Variants in ANO3 observed in about 807,000 individuals in gnomAD.
ANO3 encodes anoctamin 3, also known as anoctamin-3.
In ANO3, 99 loss-of-function variants were observed where a neutral mutation model predicts 144.8. The observed-to-expected ratio is 0.68, with a 90% CI of 0.58 to 0.81. The LOEUF (loss-of-function observed/expected upper bound fraction) is 0.81, where lower values mean the gene tolerates loss of function less well. Among genes scored for constraint, ANO3 ranks in the 30% least tolerant of loss-of-function variants. ANO3 has a pLI of 0.00. For missense variants in ANO3, 905 were observed against 1,202.2 expected (o/e 0.75, Z 3.66); for synonymous variants, 414 against 392.6 (o/e 1.05, Z -0.64).
At chr11:26,243,518 G>A (rs1852710106) in intron 1 of ANO3, among the ~76,000 whole-genome samples, 2 of 151,972 alleles carry the variant, frequency 1.3e-5, no homozygotes, top group South Asian at 4.1e-4. Flanking sequence ...AAAGCTATTT[G>A]CTTAGATAAA....
intron 5 of ANO3, among the ~76,000 whole-genome samples, chr11:26,515,089 CT>C (rs1861811349): frequency 1.3e-5 from 2 of 151,950 alleles, no homozygotes; most frequent in Admixed American, 6.6e-5. Flanking sequence ...ATTCAAAGAC[CT>C]ATAGATATTT....
chr11:26,563,553 G>C (rs1200241876), intron 14 of ANO3, among the ~76,000 whole-genome samples: 1 of 151,728 alleles, frequency 6.6e-6, no homozygotes, highest in Non-Finnish European at 1.5e-5. Flanking sequence ...CTTGTGTCTT[G>C]TTCTTATTAA....
chr11:26,234,179 G>C (rs1347794408), intron 1 of ANO3, among the ~76,000 whole-genome samples: 2 of 152,158 alleles, frequency 1.3e-5, no homozygotes, highest in Non-Finnish European at 2.9e-5. Flanking sequence ...TAAAAAGTTT[G>C]TTAATAGTTT....
At chr11:26,400,216 T>C (rs1420146566) in intron 1 of ANO3, among the ~76,000 whole-genome samples, 2 of 152,002 alleles carry the variant, frequency 1.3e-5, no homozygotes, top group Non-Finnish European at 2.9e-5. Flanking sequence ...AGGAGAAAGG[T>C]TTCTGATTAT....
intron 1 of ANO3, among the ~76,000 whole-genome samples, chr11:26,228,590 A>G (rs1852307003): frequency 6.6e-6 from 1 of 152,268 alleles, no homozygotes; most frequent in African/African-American, 2.4e-5. Flanking sequence ...ATTGAGATGA[A>G]GAAGTTGAGC....
chr11:26,432,904 G>T (rs1247312660), intron 1 of ANO3, among the ~76,000 whole-genome samples: 1 of 152,088 alleles, frequency 6.6e-6, no homozygotes, highest in Non-Finnish European at 1.5e-5. Context: ...GGTACCATAT[G>T]AATTTTAAAA....
chr11:26,409,246 T>C (rs937661000), intron 1 of ANO3, among the ~76,000 whole-genome samples: 1 of 151,326 alleles, frequency 6.6e-6, no homozygotes, highest in African/African-American at 2.4e-5. Flanking sequence ...ACTTACACAC[T>C]CCAGGGCTCC....
At chr11:26,375,058 T>C (rs1590305562) in intron 1 of ANO3, among the ~76,000 whole-genome samples, 2 of 152,216 alleles carry the variant, frequency 1.3e-5, no homozygotes, top group East Asian at 1.9e-4. Flanking sequence ...GCACTTTATT[T>C]CTATTATTAT....
intron 14 of ANO3, among the ~76,000 whole-genome samples, chr11:26,564,732 C>CACATATAT (rs1565108986): frequency 1.2e-4 from 3 of 25,406 alleles, no homozygotes; most frequent in Admixed American, 6.3e-4. Flanking sequence ...CACACACACA[C>CACATATAT]ATATATATAT....
At position 26,599,693 on chromosome 11, in the gene ANO3, A is replaced by G; in HGVS notation, c.1815A>G (p.Ile605Met). 1 of 1,613,968 alleles carries G rather than the reference A, an allele frequency of 6.2e-7. No homozygotes were observed. The highest frequency in any genetic ancestry group is 8.5e-7 in the Non-Finnish European group (1 of 1,179,954). The change falls in exon 17 of 27, where the codon ATA (isoleucine) becomes ATG (methionine). Residue 605 changes from isoleucine (I) to methionine (M), a missense_variant. Ile to Met is a conservative substitution (Grantham distance 10). This residue lies in a region of ANO3 where 597 missense variants were observed against 865.1 expected (regional missense o/e 0.69). Coordinates refer to ENST00000256737, the MANE Select transcript of ANO3 (RefSeq NM_031418.4). ...CTGCTGCTGTCTGTATCAATTTCATAATCATTATGTTGCTGAATCTTGTAA... is the reference window on the plus strand; with the variant it reads ...CTGCTGCTGTCTGTATCAATTTCATGATCATTATGTTGCTGAATCTTGTAA... ...TSAAAVCINFIIIMLLNLAYE... is the reference protein window; with the variant it reads ...TSAAAVCINFMIIMLLNLAYE...
At chr11:26,372,081 T>G (rs1856276369) in intron 1 of ANO3, among the ~76,000 whole-genome samples, 1 of 152,180 alleles carries the variant, frequency 6.6e-6, no homozygotes, top group South Asian at 2.1e-4. Context: ...TCATCTTGAA[T>G]TGTAGTTCCT....
intron 1 of ANO3, among the ~76,000 whole-genome samples, chr11:26,272,213 C>T (rs1564943103): frequency 6.6e-6 from 1 of 151,432 alleles, no homozygotes. Flanking sequence ...TGGGAAGTGC[C>T]ACGGCGATGC....
intron 1 of ANO3, among the ~76,000 whole-genome samples, chr11:26,239,864 A>T (rs1352388445): frequency 6.6e-6 from 1 of 152,212 alleles, no homozygotes; most frequent in East Asian, 1.9e-4. Context: ...TTTTTACTCT[A>T]CTTGAGTTTT....
intron 1 of ANO3, among the ~76,000 whole-genome samples, chr11:26,269,319 G>A (rs560329180): frequency 6.6e-6 from 1 of 152,274 alleles, no homozygotes; most frequent in East Asian, 1.9e-4. Context: ...TCTCCTTATT[G>A]GAGGGTGTGG....
intron 1 of ANO3, among the ~76,000 whole-genome samples, chr11:26,350,857 ATTTC>A (rs1226983319): frequency 6.6e-6 from 1 of 152,086 alleles, no homozygotes; most frequent in Non-Finnish European, 1.5e-5. Context: ...TTAGCCTTAT[ATTTC>A]TTTATTAGGG....
intron 1 of ANO3, among the ~76,000 whole-genome samples, chr11:26,212,388 C>T (rs12803909): frequency 0.31 from 45,346 of 147,724 alleles, 7,498 homozygotes; most frequent in Non-Finnish European, 0.37. Context: ...AGACTGCGAG[C>T]CAGAATAATA....
intron 1 of ANO3, chr11:26,427,257 A>C (rs1363259647): frequency 6.1e-6 from 1 of 164,814 alleles, no homozygotes; most frequent in Non-Finnish European, 1.3e-5. Context: ...GATCCTAGGA[A>C]CACCCCATCC....
At chr11:26,645,665 A>G (rs1853320075) in intron 23 of ANO3, among the ~76,000 whole-genome samples, 1 of 152,130 alleles carries the variant, frequency 6.6e-6, no homozygotes, top group Non-Finnish European at 1.5e-5. Context: ...TTTAAACAAT[A>G]TAGACACAGA....
At chr11:26,443,644 AT>A in intron 2 of ANO3, 120 bp from the exon 3 acceptor site, 1 of 505,680 alleles carries the variant, frequency 2.0e-6, no homozygotes. Context: ...ACTAATTTTA[AT>A]TCATTAAGTT....
Sources: allele counts gnomAD v4.1 joint callset (sites outside exome capture counted in the v4.1 genomes callset), GRCh38; gene constraint gnomAD v4.1.1; regional missense constraint gnomAD v4.1.1; transcripts MANE v1.5; gene names NCBI Gene and HGNC (gene_info 2026-07-23, HGNC 2026-07-21).